The following ROBO1 variants were observed in gnomAD, a reference collection of about 807,000 sequenced individuals.
ROBO1 encodes roundabout homolog 1.
In ROBO1, 149 loss-of-function variants were observed where a neutral mutation model predicts 195.9. The observed-to-expected ratio is 0.76, with a 90% CI of 0.67 to 0.87. The LOEUF is 0.87. ROBO1 is among the 40% of genes least tolerant of loss of function. The probability of loss-of-function intolerance (pLI) is 0.00; values close to 1 mark genes in which losing one functional copy is unlikely to be tolerated. For missense variants in ROBO1, 1,933 were observed against 2,068.3 expected (o/e 0.93, Z 1.27); for synonymous variants, 816 against 733.2 (o/e 1.11, Z -1.82).
intron 1 of ROBO1, among the ~76,000 whole-genome samples, chr3:79,618,144 C>A (rs909628683): frequency 1.3e-5 from 2 of 151,836 alleles, no homozygotes; most frequent in Admixed American, 1.3e-4. Context: ...AAAATACGAA[C>A]CTATGAGATA....
intron 1 of ROBO1, among the ~76,000 whole-genome samples, chr3:79,732,050 G>A (rs1214675839): frequency 6.6e-6 from 1 of 151,934 alleles, no homozygotes; most frequent in Non-Finnish European, 1.5e-5. Context: ...AAAACATATA[G>A]ATGAGGTATG....
At chr3:79,080,630 T>G (rs1241701252) in intron 3 of ROBO1, among the ~76,000 whole-genome samples, 1 of 152,078 alleles carries the variant, frequency 6.6e-6, no homozygotes, top group African/African-American at 2.4e-5. Flanking sequence ...TTATTACTAT[T>G]AATGCCTATT....
At chr3:79,679,301 C>T (rs1946875361) in intron 1 of ROBO1, among the ~76,000 whole-genome samples, 1 of 151,850 alleles carries the variant, frequency 6.6e-6, no homozygotes, top group Admixed American at 6.6e-5. Context: ...TGTTTTATAG[C>T]TCCCTCATTT....
intron 2 of ROBO1, among the ~76,000 whole-genome samples, chr3:79,346,771 C>A (rs542143029): frequency 6.6e-6 from 1 of 151,776 alleles, no homozygotes; most frequent in Admixed American, 6.6e-5. Flanking sequence ...CATCAAAGGA[C>A]GTCATTTTTA....
chr3:79,715,076 T>C (rs1005320189), intron 1 of ROBO1, among the ~76,000 whole-genome samples: 1 of 152,076 alleles, frequency 6.6e-6, no homozygotes, highest in African/African-American at 2.4e-5. Flanking sequence ...TATTAGCAGA[T>C]GAGAAATTGC....
intron 2 of ROBO1, among the ~76,000 whole-genome samples, chr3:79,495,833 G>A (rs1327539811): frequency 3.3e-5 from 5 of 151,560 alleles, no homozygotes; most frequent in Admixed American, 2.6e-4. Flanking sequence ...TATCTATTTC[G>A]CTAACATCAA....
intron 1 of ROBO1, among the ~76,000 whole-genome samples, chr3:79,686,349 T>C (rs1190806043): frequency 6.6e-6 from 1 of 152,058 alleles, no homozygotes; most frequent in Non-Finnish European, 1.5e-5. Flanking sequence ...CTATTCAACA[T>C]AGTGTTGGAA....
chr3:79,581,654 C>T (rs1448657942), intron 2 of ROBO1, among the ~76,000 whole-genome samples: 2 of 152,072 alleles, frequency 1.3e-5, no homozygotes, highest in African/African-American at 2.4e-5. Flanking sequence ...CTTAAGTATT[C>T]GTTCTCTTTC....
intron 4 of ROBO1, among the ~76,000 whole-genome samples, chr3:78,816,663 A>C (rs766125866): frequency 2.0e-5 from 3 of 152,188 alleles, no homozygotes; most frequent in Non-Finnish European, 2.9e-5. Context: ...AGTTTATTTC[A>C]ACCCTCATGA....
At chr3:79,593,064 GT>G (rs1944056425) in intron 1 of ROBO1, among the ~76,000 whole-genome samples, 2 of 151,994 alleles carry the variant, frequency 1.3e-5, no homozygotes, top group African/African-American at 4.8e-5. Flanking sequence ...TCCTCCATGG[GT>G]TTTTCTTTTC....
At chr3:79,222,465 A>G (rs1439881001) in intron 2 of ROBO1, among the ~76,000 whole-genome samples, 1 of 152,040 alleles carries the variant, frequency 6.6e-6, no homozygotes, top group African/African-American at 2.4e-5. Flanking sequence ...GCCATACTTG[A>G]TCCATTCAAA....
chr3:78,656,665 T>G (rs901337062), intron 18 of ROBO1, among the ~76,000 whole-genome samples: 14 of 152,244 alleles, frequency 9.2e-5, no homozygotes, highest in South Asian at 6.2e-4. Flanking sequence ...TGTTTGATCT[T>G]AAATCCAAGC....
At chr3:78,807,077 G>C (rs1047174989) in intron 4 of ROBO1, among the ~76,000 whole-genome samples, 2 of 152,062 alleles carry the variant, frequency 1.3e-5, no homozygotes, top group African/African-American at 4.8e-5. Context: ...CAAGGTGCTG[G>C]TATTACAGGA....
chr3:78,643,169 T>G (rs1029205976), intron 21 of ROBO1, among the ~76,000 whole-genome samples: 9 of 152,182 alleles, frequency 5.9e-5, no homozygotes, highest in Non-Finnish European at 1.0e-4. Context: ...AAGGACCAGA[T>G]AGTAACATTT....
At chr3:79,448,095 A>T (rs2039324826) in intron 2 of ROBO1, among the ~76,000 whole-genome samples, 1 of 152,220 alleles carries the variant, frequency 6.6e-6, no homozygotes, top group Non-Finnish European at 1.5e-5. Flanking sequence ...CTTACAAATA[A>T]TAGTAGGTGC....
intron 3 of ROBO1, among the ~76,000 whole-genome samples, chr3:79,111,847 A>T (rs540237868): frequency 3.9e-5 from 6 of 152,148 alleles, no homozygotes; most frequent in Non-Finnish European, 7.4e-5. Flanking sequence ...CTTAGACACA[A>T]ATGATGTTTT....
chr3:78,836,591 A>G (rs2032751627), intron 4 of ROBO1, among the ~76,000 whole-genome samples: 1 of 152,076 alleles, frequency 6.6e-6, no homozygotes, highest in Non-Finnish European at 1.5e-5. Context: ...CAGACAATTC[A>G]TTGATTATAA....
At chr3:78,726,504 C>T (rs2082165154) in intron 5 of ROBO1, among the ~76,000 whole-genome samples, 1 of 152,258 alleles carries the variant, frequency 6.6e-6, no homozygotes, top group East Asian at 1.9e-4. Context: ...TTCTTTACCA[C>T]CAACCCGTTT....
chr3:78,659,381 T>A (rs114324742), intron 17 of ROBO1, among the ~76,000 whole-genome samples: 179 of 152,256 alleles, frequency 1.2e-3, no homozygotes, highest in African/African-American at 3.9e-3. Context: ...TTGGTTACCG[T>A]ACAGATTAAT....
Sources: gnomAD v4.1 joint callset for allele counts (sites outside exome capture counted in the v4.1 genomes callset) on GRCh38, gnomAD v4.1.1 for gene constraint, MANE v1.5 for transcripts, NCBI Gene and HGNC (gene_info 2026-07-23, HGNC 2026-07-21) for gene names.